C7orf57: variants seen among roughly 807,000 people sequenced by gnomAD.
C7orf57 encodes uncharacterized protein C7orf57.
C7orf57 carries 33 observed loss-of-function variants against 39.0 expected under a neutral mutation model. The observed-to-expected ratio is 0.85, with a 90% CI of 0.64 to 1.13. The LOEUF (loss-of-function observed/expected upper bound fraction) is 1.13, where lower values mean the gene tolerates loss of function less well. C7orf57 is among the 50% of genes most tolerant of loss of function. C7orf57 has a pLI of 0.00. For missense variants in C7orf57, 346 were observed against 362.3 expected (o/e 0.95, Z 0.37); for synonymous variants, 124 against 137.1 (o/e 0.90, Z 0.67).
chr7:48,037,652 T>A (rs7456745), intron 2 of C7orf57, among the ~76,000 whole-genome samples: 70,906 of 151,918 alleles, frequency 0.47, 17,252 homozygotes, highest in African/African-American at 0.61. Context: ...TATATATATA[T>A]AAAAAATCTA....
In C7orf57 at chr7:48,060,354, T is replaced by C. The variant is rs10247308; in HGVS notation, c.*82T>C. ...GTATTATAGCTATATTTCTGAGGCT[T>C]TTTTTGTATTTTATTAATATAGACT... is the stretch of plus-strand genomic sequence containing the variant. On this transcript the variant is annotated 3_prime_UTR_variant, in exon 9 of 9. Coordinates refer to ENST00000348904, the MANE Select transcript of C7orf57 (RefSeq NM_001100159.3). 1.3e-3 allele frequency: 1,116 copies of C among 859,914 alleles called. 7 individuals are homozygous for C. In the African/African-American group the frequency reaches 0.017, roughly 13 times the overall value. The allele number at this position is 859,914 out of a possible 1,614,324, so 53.3% of individuals were successfully genotyped here. A position where few individuals can be genotyped will look rare whatever the true frequency, so the allele number is the denominator to read the frequency against.
intron 7 of C7orf57, chr7:48,053,222 T>C (rs944358790): frequency 3.4e-5 from 14 of 412,170 alleles, no homozygotes; most frequent in Non-Finnish European, 6.4e-5. Context: ...TACCAAATAG[T>C]ATCAACTTTT....
At chr7:48,055,270 CAT>C (rs1021067920) in intron 8 of C7orf57, among the ~76,000 whole-genome samples, 6 of 152,134 alleles carry the variant, frequency 3.9e-5, no homozygotes, top group African/African-American at 1.2e-4. Flanking sequence ...TACTGGAAAA[CAT>C]AAGTAAAAAG....
At chr7:48,043,646 A>G in intron 4 of C7orf57, 57 bp downstream of exon 4, 2 of 1,306,476 alleles carry the variant, frequency 1.5e-6, no homozygotes, top group Non-Finnish European at 2.2e-6. Context: ...AAAATAGCCC[A>G]ATTTTAATTT....
At chr7:48,044,414 T>G (rs1252030303) in intron 4 of C7orf57, among the ~76,000 whole-genome samples, 1 of 152,166 alleles carries the variant, frequency 6.6e-6, no homozygotes, top group Non-Finnish European at 1.5e-5. Context: ...CCGATCATTG[T>G]CCCTCCCCCT....
At chr7:48,049,366 A>C (rs1368006696) in intron 5 of C7orf57, among the ~76,000 whole-genome samples, 1 of 151,980 alleles carries the variant, frequency 6.6e-6, no homozygotes. Context: ...GGCTTCTCCC[A>C]TGTGGTGTAA....
chr7:48,054,976 A>G (rs1271111340), intron 8 of C7orf57, among the ~76,000 whole-genome samples: 1 of 152,052 alleles, frequency 6.6e-6, no homozygotes, highest in East Asian at 1.9e-4. Flanking sequence ...TCCCGGGTTC[A>G]CGCCATTCTC....
chr7:48,037,995 C>T (rs746957806), intron 2 of C7orf57, among the ~76,000 whole-genome samples: 3 of 152,154 alleles, frequency 2.0e-5, no homozygotes, highest in Non-Finnish European at 1.5e-5. Context: ...AATCAAACGC[C>T]TTCTCTCAAA....
chr7:48,046,624 G>T lies in C7orf57; in HGVS notation c.507+8G>T, dbSNP rs748080242. Reference sequence around the variant, plus strand: ...GAAAAGGAGAAAAAAAAGGTGACGGGAGCCCATAAATAGACGGCATCCGCA... The same window carrying T: ...GAAAAGGAGAAAAAAAAGGTGACGGTAGCCCATAAATAGACGGCATCCGCA... On this transcript the variant is annotated splice_region_variant and intron_variant, in intron 5 of 8. Coordinates refer to ENST00000348904, the MANE Select transcript of C7orf57 (RefSeq NM_001100159.3). 1.2e-6 allele frequency: 2 copies of T among 1,609,904 alleles called. No individual in the cohort carries two copies. Among genetic ancestry groups the T allele is most frequent in the Non-Finnish European group, 1.7e-6 (2 of 1,177,998 alleles).
At chr7:48,048,907 G>A (rs113651153) in intron 5 of C7orf57, among the ~76,000 whole-genome samples, 8 of 152,034 alleles carry the variant, frequency 5.3e-5, no homozygotes, top group South Asian at 2.1e-4. Flanking sequence ...AGGTCAACAC[G>A]ACCATGAACC....
intron 5 of C7orf57, among the ~76,000 whole-genome samples, chr7:48,048,430 T>C (rs2686787): frequency 0.86 from 131,046 of 152,142 alleles, 56,959 homozygotes; most frequent in Non-Finnish European, 0.93. Context: ...CCAGCATTCA[T>C]GGGGGTCTTG....
intron 7 of C7orf57, among the ~76,000 whole-genome samples, chr7:48,054,007 A>G (rs1791037314): frequency 6.6e-6 from 1 of 152,198 alleles, no homozygotes; most frequent in Non-Finnish European, 1.5e-5. Flanking sequence ...TTGCCATTCT[A>G]CACCCTGTTC....
intron 5 of C7orf57, among the ~76,000 whole-genome samples, chr7:48,048,152 T>A (rs1346759385): frequency 6.6e-6 from 1 of 152,152 alleles, no homozygotes; most frequent in African/African-American, 2.4e-5. Flanking sequence ...GGGGTGGTGG[T>A]TAAAGACACA....
intron 8 of C7orf57, among the ~76,000 whole-genome samples, chr7:48,057,069 T>G (rs1048702713): frequency 6.6e-6 from 1 of 152,018 alleles, no homozygotes; most frequent in African/African-American, 2.4e-5. Context: ...ATATCTGTTT[T>G]TTTTTTTTTC....
intron 2 of C7orf57, among the ~76,000 whole-genome samples, chr7:48,038,324 T>C (rs965414471): frequency 1.3e-5 from 2 of 152,154 alleles, no homozygotes; most frequent in African/African-American, 4.8e-5. Context: ...ACTGTAATAG[T>C]CAGCATTCTC....
intron 5 of C7orf57, among the ~76,000 whole-genome samples, chr7:48,048,379 C>T (rs1328404557): frequency 2.0e-5 from 3 of 152,168 alleles, no homozygotes; most frequent in Admixed American, 6.5e-5. Context: ...ACATGGTGGA[C>T]ACCTGACAAG....
intron 6 of C7orf57, among the ~76,000 whole-genome samples, chr7:48,051,739 CTT>C (rs1790892960): frequency 3.6e-5 from 2 of 55,558 alleles, no homozygotes; most frequent in African/African-American, 4.8e-5. Flanking sequence ...TTTTTCTTTT[CTT>C]TCTTTTTCTT....
chr7:48,060,144 T>G (rs1348076023), intron 8 of C7orf57, 82 bp from the exon 9 acceptor site: 1 of 943,806 alleles, frequency 1.1e-6, no homozygotes, highest in South Asian at 1.7e-5. Flanking sequence ...AAACTATGTG[T>G]TTTCTTATAT....
chr7:48,045,377 C>T (rs920761006), intron 4 of C7orf57, among the ~76,000 whole-genome samples: 14 of 152,156 alleles, frequency 9.2e-5, no homozygotes, highest in Admixed American at 7.9e-4. Flanking sequence ...GGAGAGGTGC[C>T]GCTTTTCACA....
Sources: allele counts gnomAD v4.1 joint callset (sites outside exome capture counted in the v4.1 genomes callset), GRCh38; gene constraint gnomAD v4.1.1; transcripts MANE v1.5; gene names NCBI Gene and HGNC (gene_info 2026-07-23, HGNC 2026-07-21).